The following ZNF487 variants were observed in gnomAD, a reference collection of about 807,000 sequenced individuals.
ZNF487 encodes the protein zinc finger protein 487.
ZNF487 carries 4 observed loss-of-function variants against 3.0 expected under a neutral mutation model. The ratio of observed to expected loss-of-function variants is 1.35; its 90% CI spans 0.66 to 3.08. ZNF487 has a LOEUF of 3.08. ZNF487 is among the 30% of genes most tolerant of loss of function. ZNF487 has a pLI of 0.01. For missense variants in ZNF487, 146 were observed against 98.7 expected (o/e 1.48, Z -2.03); for synonymous variants, 55 against 34.6 (o/e 1.59, Z -2.06).
the ZNF487 span, among the ~76,000 whole-genome samples, chr10:43,518,296 A>C: frequency 6.6e-6 from 1 of 152,170 alleles, no homozygotes; most frequent in Admixed American, 6.5e-5. Context: ...TCTAGGCCCC[A>C]AGCAGCTGGT....
the ZNF487 span, among the ~76,000 whole-genome samples, chr10:43,504,461 T>A: frequency 6.6e-6 from 1 of 151,506 alleles, no homozygotes; most frequent in Non-Finnish European, 1.5e-5. Flanking sequence ...TCCTGGCTAA[T>A]TTTTTTGTAT....
At chr10:43,510,088 C>T in the ZNF487 span, among the ~76,000 whole-genome samples, 505 of 152,204 alleles carry the variant, frequency 3.3e-3, 1 homozygote, top group Middle Eastern at 0.01. Flanking sequence ...TCTTATGTCA[C>T]ATGATAAAGG....
At chr10:43,458,278 C>T (rs1394233567) in intron 1 of ZNF487, 1 of 152,186 alleles carries the variant, frequency 6.6e-6, no homozygotes, top group Admixed American at 6.6e-5. Flanking sequence ...AGACATGAGA[C>T]ATCAATATAT....
chr10:43,480,024 T>C (rs1306543794), intron 3 of ZNF487, among the ~76,000 whole-genome samples: 2 of 66,592 alleles, frequency 3.0e-5, no homozygotes, highest in African/African-American at 7.1e-5. Context: ...TCTTTCTTTC[T>C]TTCTTTCTTT....
At chr10:43,448,765 C>T (rs1445145844) in intron 1 of ZNF487, among the ~76,000 whole-genome samples, 1 of 151,864 alleles carries the variant, frequency 6.6e-6, no homozygotes, top group Non-Finnish European at 1.5e-5. Context: ...TGCAGTGAGC[C>T]AAGATCTTGC....
In ZNF487 at chr10:43,482,771, C is replaced by T. The variant is rs1472743638; in HGVS notation, c.*849C>T. 2.1e-6 allele frequency: 1 copy of T among 479,108 alleles called. No homozygotes were observed. Among genetic ancestry groups the T allele is most frequent in the East Asian group, 5.9e-5 (1 of 16,846 alleles). 29.7% of individuals were successfully genotyped at this position (479,108 alleles called of 1,614,324 possible). ...TTGAATGCAATGAATGTCAAAAATCCTTCTCTGTGAAGTCAAAACTTAGAG... is the reference window on the plus strand; with the variant it reads ...TTGAATGCAATGAATGTCAAAAATCTTTCTCTGTGAAGTCAAAACTTAGAG... On this transcript the variant is annotated 3_prime_UTR_variant, in exon 4 of 4. Coordinates refer to ENST00000437590, the MANE Select transcript of ZNF487 (RefSeq NM_001355444.3).
chr10:43,513,997 T>A, the ZNF487 span, among the ~76,000 whole-genome samples: 1 of 152,116 alleles, frequency 6.6e-6, no homozygotes, highest in East Asian at 1.9e-4. Flanking sequence ...AAAGAGTCAC[T>A]ATGTAAATTG....
chr10:43,475,054 G>A (rs1237947875), intron 1 of ZNF487, among the ~76,000 whole-genome samples: 1 of 152,016 alleles, frequency 6.6e-6, no homozygotes, highest in Non-Finnish European at 1.5e-5. Context: ...TGTGCAGGTG[G>A]GTCCCCAGTC....
chr10:43,501,415 G>A, the ZNF487 span, among the ~76,000 whole-genome samples: 1 of 152,022 alleles, frequency 6.6e-6, no homozygotes, highest in Non-Finnish European at 1.5e-5. Flanking sequence ...ATTAATTTTA[G>A]TTTACTGTAA....
At chr10:43,447,250 A>ATTTTTTTTTTCTTTTCT (rs1554795444) in intron 1 of ZNF487, among the ~76,000 whole-genome samples, 3 of 149,182 alleles carry the variant, frequency 2.0e-5, no homozygotes, top group South Asian at 2.1e-4. Context: ...GGAGAACAAC[A>ATTTTTTTTTTCTTTTCT]TTTTTTTTTT....
chr10:43,439,675 G>C (rs1461678366), intron 1 of ZNF487, among the ~76,000 whole-genome samples: 2 of 152,122 alleles, frequency 1.3e-5, no homozygotes. Context: ...CTACACTCTA[G>C]CCTGGGTGAC....
the ZNF487 span, among the ~76,000 whole-genome samples, chr10:43,489,441 C>T: frequency 2.0e-5 from 3 of 152,144 alleles, no homozygotes; most frequent in African/African-American, 4.8e-5. Flanking sequence ...GCAACCTCCA[C>T]CTCCTGGGTT....
At chr10:43,447,335 C>T (rs760740415) in intron 1 of ZNF487, among the ~76,000 whole-genome samples, 44 of 152,076 alleles carry the variant, frequency 2.9e-4, no homozygotes, top group African/African-American at 9.2e-4. Flanking sequence ...CTCCACCTCA[C>T]GGATTCAAGT....
chr10:43,497,925 C>T, the ZNF487 span, among the ~76,000 whole-genome samples: 1 of 148,772 alleles, frequency 6.7e-6, no homozygotes, highest in African/African-American at 2.5e-5. Flanking sequence ...CGAGATTGCG[C>T]CACTGCCCTC....
chr10:43,511,959 T>G, the ZNF487 span, among the ~76,000 whole-genome samples: 2 of 152,180 alleles, frequency 1.3e-5, no homozygotes, highest in Non-Finnish European at 2.9e-5. Context: ...TCCCTGACCA[T>G]CCAGCCAAAC....
chr10:43,470,377 C>A (rs1344541922), intron 1 of ZNF487, among the ~76,000 whole-genome samples: 1 of 151,942 alleles, frequency 6.6e-6, no homozygotes, highest in African/African-American at 2.4e-5. Flanking sequence ...CTATGCCCAG[C>A]TAATTTTTCT....
intron 1 of ZNF487, among the ~76,000 whole-genome samples, chr10:43,465,857 A>G (rs1840676914): frequency 6.6e-6 from 1 of 152,160 alleles, no homozygotes; most frequent in South Asian, 2.1e-4. Context: ...TGGAGGTTGT[A>G]GCGAGCCGAG....
At chr10:43,455,796 A>G (rs771211052) in intron 1 of ZNF487, among the ~76,000 whole-genome samples, 1 of 152,232 alleles carries the variant, frequency 6.6e-6, no homozygotes, top group Non-Finnish European at 1.5e-5. Flanking sequence ...ACAGCGCGCC[A>G]GGCTGGCAGC....
At chr10:43,465,324 G>A (rs1456549633) in intron 1 of ZNF487, among the ~76,000 whole-genome samples, 16 of 151,694 alleles carry the variant, frequency 1.1e-4, no homozygotes, top group Middle Eastern at 3.4e-3. Flanking sequence ...GGTGGCTGCC[G>A]GGCGGAGACG....
Sources: allele counts gnomAD v4.1 joint callset (sites outside exome capture counted in the v4.1 genomes callset), GRCh38; gene constraint gnomAD v4.1.1; transcripts MANE v1.5; gene names NCBI Gene and HGNC (gene_info 2026-07-23, HGNC 2026-07-21).